Variants in NEBL observed in about 807,000 individuals in gnomAD.
The protein encoded by NEBL is LIM and SH3 protein 2.
Under a neutral mutation model 140.2 loss-of-function variants are expected in NEBL, and 122 were observed. The observed-to-expected ratio is 0.87, with a 90% CI of 0.75 to 1.01. The LOEUF is 1.01. NEBL is among the 50% of genes least tolerant of loss of function. The probability of loss-of-function intolerance (pLI) is 0.00; values close to 1 mark genes in which losing one functional copy is unlikely to be tolerated. For missense variants in NEBL, 1,365 were observed against 1,231.3 expected, an observed-to-expected ratio of 1.11 and a Z score of -1.62; for synonymous variants, 436 against 398.9, an observed-to-expected ratio of 1.09 and a Z score of -1.11.
chr10:20,861,398 C>G (rs1198560571), intron 7 of NEBL, among the ~76,000 whole-genome samples: 1 of 152,142 alleles, frequency 6.6e-6, no homozygotes. Flanking sequence ...AGGATGGTCT[C>G]GATCTCCTGA....
intron 4 of NEBL, among the ~76,000 whole-genome samples, chr10:20,955,911 C>CA (rs11388003): frequency 0.24 from 33,025 of 140,346 alleles, 3,593 homozygotes; most frequent in Middle Eastern, 0.32. Context: ...TCTCTTGTTT[C>CA]AAAAAAAAAA....
intron 3 of NEBL, among the ~76,000 whole-genome samples, chr10:21,238,716 TAAAAAAAAAAA>T (rs35732687): frequency 5.3e-5 from 5 of 94,502 alleles, no homozygotes; most frequent in African/African-American, 1.9e-4. Context: ...TCAAAAAAAT[TAAAAAAAAAAA>T]AAAAAAAAAA....
chr10:21,286,538 A>G (rs1301950769), intron 1 of NEBL, among the ~76,000 whole-genome samples: 1 of 152,240 alleles, frequency 6.6e-6, no homozygotes, highest in Admixed American at 6.5e-5. Flanking sequence ...GACTGGATTC[A>G]GACTATAGCT....
intron 3 of NEBL, among the ~76,000 whole-genome samples, chr10:21,018,830 C>A (rs1466079246): frequency 6.6e-6 from 1 of 152,126 alleles, no homozygotes; most frequent in African/African-American, 2.4e-5. Flanking sequence ...GAGTTCAAGA[C>A]CAGCCTGACC....
chr10:21,048,157 T>C (rs1834600998), intron 2 of NEBL, among the ~76,000 whole-genome samples: 1 of 152,224 alleles, frequency 6.6e-6, no homozygotes, highest in South Asian at 2.1e-4. Context: ...CCTTGTCATT[T>C]GCATGGGCAA....
chr10:21,061,400 A>C (rs1353765189), intron 2 of NEBL, among the ~76,000 whole-genome samples: 1 of 148,344 alleles, frequency 6.7e-6, no homozygotes, highest in Non-Finnish European at 1.5e-5. Context: ...CATATATTAC[A>C]TGGTACATGA....
chr10:20,967,592 C>A (rs570156170), intron 3 of NEBL, among the ~76,000 whole-genome samples: 1 of 151,644 alleles, frequency 6.6e-6, no homozygotes, highest in Admixed American at 6.6e-5. Context: ...CACACTGCTG[C>A]ACTCCAGCCT....
intron 3 of NEBL, among the ~76,000 whole-genome samples, chr10:21,202,802 C>G (rs1841763433): frequency 6.6e-6 from 1 of 152,124 alleles, no homozygotes; most frequent in Admixed American, 6.5e-5. Flanking sequence ...TTCTTACCAG[C>G]TCCAAAAATG....
At chr10:21,080,324 A>G (rs962454674) in intron 2 of NEBL, among the ~76,000 whole-genome samples, 1 of 152,226 alleles carries the variant, frequency 6.6e-6, no homozygotes, top group African/African-American at 2.4e-5. Flanking sequence ...TTGATATTGC[A>G]TTCCGTGCAT....
At chr10:21,254,968 C>G (rs1745404093) in intron 1 of NEBL, among the ~76,000 whole-genome samples, 1 of 152,184 alleles carries the variant, frequency 6.6e-6, no homozygotes, top group Non-Finnish European at 1.5e-5. Context: ...CCTCATTAGC[C>G]ACACATAGTG....
At chr10:20,851,543 A>G (rs1282639491) in intron 10 of NEBL, among the ~76,000 whole-genome samples, 1 of 151,920 alleles carries the variant, frequency 6.6e-6, no homozygotes, top group Non-Finnish European at 1.5e-5. Context: ...TGGGAGGCCA[A>G]GGCGGGCAGA....
intron 26 of NEBL, among the ~76,000 whole-genome samples, chr10:20,788,177 T>C (rs1835596228): frequency 1.3e-5 from 2 of 152,172 alleles, no homozygotes; most frequent in African/African-American, 4.8e-5. Flanking sequence ...TCTCTGTGAA[T>C]GTGTTTAAGT....
chr10:21,209,787 T>C (rs924034786), intron 3 of NEBL, among the ~76,000 whole-genome samples: 1 of 151,008 alleles, frequency 6.6e-6, no homozygotes, highest in African/African-American at 2.4e-5. Flanking sequence ...AACAGAAAGA[T>C]AATCAGTGCC....
chr10:21,009,737 C>T (rs1301648509), intron 3 of NEBL, among the ~76,000 whole-genome samples: 2 of 152,130 alleles, frequency 1.3e-5, no homozygotes, highest in Non-Finnish European at 2.9e-5. Flanking sequence ...ATTTCTTGAG[C>T]CTGTTTTTAT....
intron 12 of NEBL, among the ~76,000 whole-genome samples, chr10:20,843,549 A>T (rs1419009030): frequency 1.9e-5 from 1 of 53,400 alleles, no homozygotes; most frequent in Non-Finnish European, 3.5e-5. Flanking sequence ...ATTCTCCTTT[A>T]AAAAATTAAC....
chr10:20,877,329 G>A (rs1260272771), intron 5 of NEBL, among the ~76,000 whole-genome samples: 2 of 152,198 alleles, frequency 1.3e-5, no homozygotes, highest in Non-Finnish European at 2.9e-5. Context: ...TCCACGCAAC[G>A]TGTGCCCAAG....
chr10:21,087,344 C>T (rs1399813933), intron 2 of NEBL, among the ~76,000 whole-genome samples: 1 of 152,080 alleles, frequency 6.6e-6, no homozygotes, highest in Non-Finnish European at 1.5e-5. Context: ...TGTTAGGGTA[C>T]AACACATAAT....
chr10:21,098,329 G>T (rs1262390839), intron 2 of NEBL, among the ~76,000 whole-genome samples: 1 of 152,104 alleles, frequency 6.6e-6, no homozygotes, highest in Admixed American at 6.5e-5. Context: ...AAAAGACAAA[G>T]ATCAAACTAT....
intron 3 of NEBL, among the ~76,000 whole-genome samples, chr10:20,994,378 G>A (rs1380394649): frequency 1.3e-5 from 2 of 152,156 alleles, no homozygotes; most frequent in Admixed American, 6.5e-5. Flanking sequence ...TTTCATCTAT[G>A]AGATCCAAAA....
Sources: allele counts gnomAD v4.1 joint callset (sites outside exome capture counted in the v4.1 genomes callset), GRCh38; gene constraint gnomAD v4.1.1; transcripts MANE v1.5; gene names NCBI Gene and HGNC (gene_info 2026-07-23, HGNC 2026-07-21).